The following DPP6 variants were observed in gnomAD, a reference collection of about 807,000 sequenced individuals.
The protein encoded by DPP6 is A-type potassium channel modulatory protein DPP6.
A neutral mutation model predicts 122.6 loss-of-function variants in DPP6; 69 were observed. The ratio of observed to expected loss-of-function variants is 0.56; its 90% CI spans 0.46 to 0.69. The LOEUF is 0.69. Among genes scored for constraint, DPP6 ranks in the 30% least tolerant of loss-of-function variants. The probability of loss-of-function intolerance (pLI) is 0.00; values close to 1 mark genes in which losing one functional copy is unlikely to be tolerated. For missense variants in DPP6, 928 were observed against 1,116.9 expected, an observed-to-expected ratio of 0.83 and a Z score of 2.41; for synonymous variants, 418 against 433.1, an observed-to-expected ratio of 0.97 and a Z score of 0.43.
chr7:154,557,691 A>C (rs1472782652), intron 4 of DPP6, among the ~76,000 whole-genome samples: 1 of 152,128 alleles, frequency 6.6e-6, no homozygotes, highest in Non-Finnish European at 1.5e-5. Context: ...CAGGCAGTGC[A>C]CAGCTGTGAT....
In DPP6 at chr7:154,594,902, G is replaced by A. The variant is rs549831295; in HGVS notation, c.627+27986G>A. Among the ~76,000 whole-genome samples the A allele has an allele frequency of 3.9e-5, 6 of 152,254 alleles. No homozygotes were observed. In the South Asian group the frequency reaches 6.2e-4, roughly 16 times the overall value. On this transcript the variant is annotated intron_variant, in intron 5 of 25. Transcript: ENST00000377770. ...CATGAACAGAGACACAATGCCGGGCGGATTGTTCTGACCTGGCTCCCAGAC... is the reference window on the plus strand; with the variant it reads ...CATGAACAGAGACACAATGCCGGGCAGATTGTTCTGACCTGGCTCCCAGAC...
chr7:154,452,556 G>A (rs540495916), intron 2 of DPP6, among the ~76,000 whole-genome samples: 2 of 152,332 alleles, frequency 1.3e-5, no homozygotes, highest in South Asian at 4.1e-4. Context: ...TATTTTTCAA[G>A]TACTACCAGT....
At chr7:154,135,630 G>A (rs1795511628) in intron 1 of DPP6, among the ~76,000 whole-genome samples, 1 of 150,878 alleles carries the variant, frequency 6.6e-6, no homozygotes, top group Non-Finnish European at 1.5e-5. Context: ...CACTTCCTGT[G>A]AGTATACACT....
At chr7:153,932,888 G>A (rs1801237422) in intron 1 of DPP6, among the ~76,000 whole-genome samples, 1 of 152,136 alleles carries the variant, frequency 6.6e-6, no homozygotes, top group African/African-American at 2.4e-5. Context: ...CACGTGTTAT[G>A]GGCGGGACGT....
At chr7:154,139,533 A>G (rs912424423) in intron 1 of DPP6, among the ~76,000 whole-genome samples, 10 of 151,516 alleles carry the variant, frequency 6.6e-5, no homozygotes, top group Non-Finnish European at 2.9e-5. Flanking sequence ...ATGCTTTACC[A>G]GCTATCTGGG....
At chr7:154,862,271 G>A (rs1474683902) in intron 17 of DPP6, among the ~76,000 whole-genome samples, 1 of 152,216 alleles carries the variant, frequency 6.6e-6, no homozygotes, top group African/African-American at 2.4e-5. Flanking sequence ...GTTCCTTGGA[G>A]CGAATCAGGC....
chr7:153,954,553 G>A (rs1330863749), intron 1 of DPP6, among the ~76,000 whole-genome samples: 2 of 152,200 alleles, frequency 1.3e-5, no homozygotes, highest in African/African-American at 4.8e-5. Flanking sequence ...GTGCCTTGAT[G>A]TGTGTTCAAA....
the DPP6 span, among the ~76,000 whole-genome samples, chr7:153,782,392 G>A: frequency 2.5e-4 from 38 of 152,180 alleles, no homozygotes; most frequent in East Asian, 4.3e-3. Context: ...GAAGCGAACC[G>A]TGGCACTGTG....
At chr7:154,012,579 T>C (rs1010191014) in intron 1 of DPP6, among the ~76,000 whole-genome samples, 1 of 152,122 alleles carries the variant, frequency 6.6e-6, no homozygotes, top group Admixed American at 6.5e-5. Context: ...ACAAGAGACT[T>C]GTATCTGGAA....
At chr7:154,612,542 A>G (rs536044187) in intron 5 of DPP6, among the ~76,000 whole-genome samples, 1 of 152,184 alleles carries the variant, frequency 6.6e-6, no homozygotes, top group Non-Finnish European at 1.5e-5. Flanking sequence ...CAGTTTAACC[A>G]TTCACTCATT....
intron 1 of DPP6, among the ~76,000 whole-genome samples, chr7:153,931,061 C>T (rs987735810): frequency 1.3e-5 from 2 of 152,188 alleles, no homozygotes; most frequent in African/African-American, 4.8e-5. Context: ...AAGGTGACTC[C>T]TGTATAGGAA....
chr7:153,987,683 G>A (rs1169939050), intron 1 of DPP6, among the ~76,000 whole-genome samples: 1 of 152,102 alleles, frequency 6.6e-6, no homozygotes, highest in East Asian at 1.9e-4. Context: ...AGTCACCATC[G>A]GAGGACCCAG....
At chr7:154,286,023 A>T (rs1364960913) in intron 1 of DPP6, among the ~76,000 whole-genome samples, 1 of 152,200 alleles carries the variant, frequency 6.6e-6, no homozygotes, top group African/African-American at 2.4e-5. Context: ...CTCTAAGAAA[A>T]TATCGGTAAT....
At chr7:154,021,861 C>T (rs1798716534) in intron 1 of DPP6, among the ~76,000 whole-genome samples, 1 of 152,190 alleles carries the variant, frequency 6.6e-6, no homozygotes. Context: ...GAGAATGGAT[C>T]TTCTTCATCT....
intron 16 of DPP6, among the ~76,000 whole-genome samples, chr7:154,816,130 A>G (rs1378150301): frequency 6.6e-6 from 1 of 152,164 alleles, no homozygotes; most frequent in African/African-American, 2.4e-5. Context: ...ATCTTGGTTA[A>G]CCTTGCTTAA....
the DPP6 span, among the ~76,000 whole-genome samples, chr7:153,850,694 T>C: frequency 1.3e-5 from 2 of 152,198 alleles, no homozygotes; most frequent in Non-Finnish European, 2.9e-5. Context: ...AGTTGTGTCT[T>C]ACATGGTGGC....
At chr7:154,574,802 T>TGTGTG (rs1304631850) in intron 5 of DPP6, among the ~76,000 whole-genome samples, 104 of 128,516 alleles carry the variant, frequency 8.1e-4, no homozygotes, top group African/African-American at 2.9e-3. Context: ...TGGTGTGTGT[T>TGTGTG]TGTGTGTGTG....
chr7:154,250,273 G>C (rs1391474023), intron 1 of DPP6, among the ~76,000 whole-genome samples: 1 of 152,072 alleles, frequency 6.6e-6, no homozygotes, highest in African/African-American at 2.4e-5. Context: ...GTGTCTGAGG[G>C]GTTTTGTCTG....
At chr7:154,223,889 C>T (rs1421597222) in intron 1 of DPP6, among the ~76,000 whole-genome samples, 1 of 148,916 alleles carries the variant, frequency 6.7e-6, no homozygotes, top group Non-Finnish European at 1.5e-5. Context: ...TCAGAGGCCA[C>T]TGTGGCCCAG....
Sources: gnomAD v4.1 joint callset for allele counts (sites outside exome capture counted in the v4.1 genomes callset) on GRCh38, gnomAD v4.1.1 for gene constraint, MANE v1.5 for transcripts, NCBI Gene and HGNC (gene_info 2026-07-23, HGNC 2026-07-21) for gene names.